SSBP2: variants seen among roughly 807,000 people sequenced by gnomAD.
SSBP2 encodes single-stranded DNA-binding protein 2.
A neutral mutation model predicts 61.8 loss-of-function variants in SSBP2; 17 were observed. That is an observed-to-expected ratio of 0.28 (90% CI 0.19 to 0.41). The LOEUF (loss-of-function observed/expected upper bound fraction) is 0.41. SSBP2 is among the 10% of genes least tolerant of loss of function. The probability of loss-of-function intolerance (pLI) is 1.00; values close to 1 mark genes in which losing one functional copy is unlikely to be tolerated. For synonymous variants in SSBP2, 139 were observed against 141.3 expected, an observed-to-expected ratio of 0.98 and a Z score of 0.12; for missense variants, 310 against 458.7, an observed-to-expected ratio of 0.68 and a Z score of 2.96.
At chr5:81,748,210 C>G (rs1051001559) in intron 1 of SSBP2, among the ~76,000 whole-genome samples, 2 of 152,114 alleles carry the variant, frequency 1.3e-5, no homozygotes, top group Non-Finnish European at 2.9e-5. Flanking sequence ...ATAATAATGA[C>G]TCCTTTTGCA....
At chr5:81,503,005 T>C (rs1291613347) in intron 5 of SSBP2, among the ~76,000 whole-genome samples, 1 of 151,966 alleles carries the variant, frequency 6.6e-6, no homozygotes, top group Non-Finnish European at 1.5e-5. Flanking sequence ...CATTAAAAAG[T>C]GGGCAAAGGA....
At chr5:81,586,130 T>C (rs552688584) in intron 4 of SSBP2, among the ~76,000 whole-genome samples, 17 of 152,362 alleles carry the variant, frequency 1.1e-4, no homozygotes, top group Middle Eastern at 6.8e-3. Flanking sequence ...CTCTTTGACA[T>C]ACTTATTTCA....
chr5:81,513,852 G>A (rs1002417516), intron 4 of SSBP2, 135 bp from the exon 5 acceptor site: 6 of 562,994 alleles, frequency 1.1e-5, no homozygotes, highest in African/African-American at 3.8e-5. Context: ...CCCCATCCTA[G>A]AAGTAAACTG....
chr5:81,674,354 A>G (rs1204346350), intron 1 of SSBP2, among the ~76,000 whole-genome samples: 1 of 152,218 alleles, frequency 6.6e-6, no homozygotes, highest in East Asian at 1.9e-4. Flanking sequence ...GATAAACTCT[A>G]TTTCTTCACA....
At chr5:81,588,941 G>A (rs1262641522) in intron 4 of SSBP2, among the ~76,000 whole-genome samples, 1 of 152,116 alleles carries the variant, frequency 6.6e-6, no homozygotes, top group Non-Finnish European at 1.5e-5. Flanking sequence ...GCACATGCCT[G>A]TAGTCTCAGC....
chr5:81,606,446 G>A (rs1744886456), intron 4 of SSBP2, among the ~76,000 whole-genome samples: 1 of 151,966 alleles, frequency 6.6e-6, no homozygotes, highest in South Asian at 2.1e-4. Flanking sequence ...GTGGTGTCAG[G>A]TCAATCCTAT....
intron 3 of SSBP2, among the ~76,000 whole-genome samples, chr5:81,631,529 C>A (rs1747721399): frequency 6.7e-6 from 1 of 150,190 alleles, no homozygotes; most frequent in African/African-American, 2.4e-5. Flanking sequence ...ACATGGACTA[C>A]CAATTGCTGC....
At chr5:81,472,459 T>C (rs1377768690) in intron 8 of SSBP2, among the ~76,000 whole-genome samples, 2 of 152,192 alleles carry the variant, frequency 1.3e-5, no homozygotes, top group Non-Finnish European at 2.9e-5. Context: ...TGTTTATTTC[T>C]AAATGGTTTT....
At chr5:81,710,105 A>G (rs1754668769) in intron 1 of SSBP2, among the ~76,000 whole-genome samples, 1 of 152,180 alleles carries the variant, frequency 6.6e-6, no homozygotes, top group East Asian at 1.9e-4. Flanking sequence ...AGTGAACTCT[A>G]TTTTAAAAAC....
intron 2 of SSBP2, among the ~76,000 whole-genome samples, chr5:81,641,181 C>T (rs777000370): frequency 2.0e-5 from 3 of 152,090 alleles, no homozygotes; most frequent in Non-Finnish European, 4.4e-5. Context: ...AGCAGCCTCC[C>T]CTCATGCACT....
chr5:81,505,184 A>C (rs1402330095), intron 5 of SSBP2, among the ~76,000 whole-genome samples: 3 of 152,154 alleles, frequency 2.0e-5, no homozygotes, highest in Admixed American at 1.3e-4. Flanking sequence ...ACTGAAACAC[A>C]GCCATGCTCT....
At chr5:81,612,775 A>T (rs1216139792) in intron 4 of SSBP2, among the ~76,000 whole-genome samples, 2 of 152,040 alleles carry the variant, frequency 1.3e-5, no homozygotes, top group Non-Finnish European at 2.9e-5. Flanking sequence ...AAAGTATTTT[A>T]AAATTCAGTA....
At chr5:81,569,578 C>G (rs1224263580) in intron 4 of SSBP2, among the ~76,000 whole-genome samples, 2 of 152,296 alleles carry the variant, frequency 1.3e-5, no homozygotes, top group Middle Eastern at 3.4e-3. Flanking sequence ...GCTGAGCTTC[C>G]ACTGCTGGTA....
chr5:81,540,510 T>C (rs1050317526), intron 4 of SSBP2, among the ~76,000 whole-genome samples: 3 of 152,232 alleles, frequency 2.0e-5, no homozygotes, highest in Non-Finnish European at 2.9e-5. Flanking sequence ...TAAGCTTTTT[T>C]TCATATGTTT....
At chr5:81,726,393 G>C (rs998772160) in intron 1 of SSBP2, among the ~76,000 whole-genome samples, 1 of 152,054 alleles carries the variant, frequency 6.6e-6, no homozygotes, top group Non-Finnish European at 1.5e-5. Context: ...TTCCATTTCA[G>C]AGGAGAAACA....
intron 3 of SSBP2, among the ~76,000 whole-genome samples, chr5:81,617,083 C>T: frequency 1.2e-5 from 1 of 85,426 alleles, no homozygotes; most frequent in East Asian, 3.4e-4. Flanking sequence ...TCACCAGCAA[C>T]AGAACAAAGC....
chr5:81,501,220 T>C (rs1462502494), intron 5 of SSBP2, among the ~76,000 whole-genome samples: 1 of 13,044 alleles, frequency 7.7e-5, no homozygotes, highest in Non-Finnish European at 1.3e-4. Flanking sequence ...CAAATATATA[T>C]ATATATATAT....
Position 81,427,198 on chromosome 5 carries a change from G to T in SSBP2, c.1056+1387C>A, listed in dbSNP as rs955587111. Among the ~76,000 whole-genome samples the T allele has an allele frequency of 5.9e-5, 9 of 152,224 alleles. No homozygotes were observed. The South Asian group carries it at 6.2e-4, about 11-fold the overall frequency. Reference sequence around the variant, plus strand: ...AAAGTGAACATAGAAAAATTAATTTGTCCATAGTTTTGAAGCAAACCACTC... The same window carrying T: ...AAAGTGAACATAGAAAAATTAATTTTTCCATAGTTTTGAAGCAAACCACTC... On this transcript the variant is annotated intron_variant, in intron 16 of 16. Coordinates refer to ENST00000320672, the MANE Select transcript of SSBP2 (RefSeq NM_012446.5).
rs116580567 is a variant in SSBP2, at chr5:81,417,546, G to C, written c.*2958C>G. 1 of 152,136 alleles carries C rather than the reference G, an allele frequency of 6.6e-6. No homozygotes were observed. The highest frequency in any genetic ancestry group is 1.5e-5 in the Non-Finnish European group (1 of 68,024). The allele number at this position is 152,136 out of a possible 1,614,324, so 9.4% of individuals were successfully genotyped here. On this transcript the variant is annotated 3_prime_UTR_variant, in exon 17 of 17. Transcript: ENST00000320672. Reference sequence around the variant, plus strand: ...CGTGTAAAAATAACACTAGGAACAGGTAGTATACATCAAGACCAACACGAA... The same window carrying C: ...CGTGTAAAAATAACACTAGGAACAGCTAGTATACATCAAGACCAACACGAA...
Sources: allele counts gnomAD v4.1 joint callset (sites outside exome capture counted in the v4.1 genomes callset), GRCh38; gene constraint gnomAD v4.1.1; transcripts MANE v1.5; gene names NCBI Gene and HGNC (gene_info 2026-07-23, HGNC 2026-07-21).